Variants in TRDN observed in about 807,000 individuals in gnomAD.
TRDN encodes triadin, also known as triadin in skeletal muscle.
In TRDN, 161 loss-of-function variants were observed where a neutral mutation model predicts 149.7. The observed-to-expected ratio is 1.08, with a 90% CI of 0.95 to 1.23. The LOEUF (loss-of-function observed/expected upper bound fraction) is 1.23. Ranked by LOEUF, TRDN falls within the 50% of genes most tolerant of loss-of-function variation. The probability of loss-of-function intolerance (pLI) is 0.00; values close to 1 mark genes in which losing one functional copy is unlikely to be tolerated. For synonymous variants in TRDN, 294 were observed against 250.5 expected (o/e 1.17, Z -1.64); for missense variants, 896 against 823.5 (o/e 1.09, Z -1.08).
At chr6:123,569,701 G>A (rs1286331952) in intron 2 of TRDN, among the ~76,000 whole-genome samples, 1 of 152,120 alleles carries the variant, frequency 6.6e-6, no homozygotes, top group East Asian at 1.9e-4. Context: ...CATGGCCAGA[G>A]AAGAGGGAGA....
intron 39 of TRDN, among the ~76,000 whole-genome samples, chr6:123,222,447 T>C (rs1447522587): frequency 6.6e-6 from 1 of 150,632 alleles, no homozygotes; most frequent in Non-Finnish European, 1.5e-5. Flanking sequence ...AGCACTGGTC[T>C]ATGAGTAAAA....
intron 10 of TRDN, among the ~76,000 whole-genome samples, chr6:123,453,427 C>T (rs1775909502): frequency 1.3e-5 from 2 of 152,026 alleles, no homozygotes; most frequent in Admixed American, 1.3e-4. Context: ...AACAGACAAT[C>T]TCATCAAAAA....
chr6:123,584,707 G>A (rs1371665948), intron 1 of TRDN, among the ~76,000 whole-genome samples: 4 of 152,142 alleles, frequency 2.6e-5, no homozygotes, highest in African/African-American at 9.7e-5. Flanking sequence ...TGGGTGTCAG[G>A]GTCAGTCCAA....
intron 24 of TRDN, among the ~76,000 whole-genome samples, chr6:123,305,958 G>C (rs1778592767): frequency 6.6e-6 from 1 of 152,108 alleles, no homozygotes; most frequent in South Asian, 2.1e-4. Flanking sequence ...AGCAGAATAT[G>C]TCTAGACTTT....
At chr6:123,611,806 A>G (rs534519429) in intron 1 of TRDN, among the ~76,000 whole-genome samples, 161 of 152,276 alleles carry the variant, frequency 1.1e-3, no homozygotes, top group Middle Eastern at 3.4e-3. Flanking sequence ...CTGGCATTCC[A>G]TCTAATTAGT....
In TRDN at chr6:123,375,785, A is replaced by G. The variant is rs575302948; in HGVS notation, c.1247-154T>C. ...AGATCTGAGAAAAGGAAAATATAATACTGTGCCATTTTTCTGATATAATCC... is the reference window on the plus strand; with the variant it reads ...AGATCTGAGAAAAGGAAAATATAATGCTGTGCCATTTTTCTGATATAATCC... On this transcript the variant is annotated intron_variant, in intron 18 of 40. Coordinates refer to ENST00000334268, the MANE Select transcript of TRDN (RefSeq NM_006073.4). Among the ~76,000 whole-genome samples the G allele has an allele frequency of 3.9e-5, 6 of 152,182 alleles. No homozygotes were observed. The South Asian group carries it at 1.2e-3, about 32-fold the overall frequency.
intron 32 of TRDN, among the ~76,000 whole-genome samples, chr6:123,266,710 T>TTATA (rs1777012816): frequency 3.2e-5 from 3 of 94,018 alleles, no homozygotes; most frequent in Non-Finnish European, 5.9e-5. Flanking sequence ...ATGTATTATA[T>TTATA]ATAATATATA....
intron 38 of TRDN, among the ~76,000 whole-genome samples, chr6:123,225,544 A>G (rs1775323564): frequency 1.3e-5 from 2 of 150,974 alleles, no homozygotes; most frequent in Admixed American, 6.6e-5. Flanking sequence ...ATACACACAC[A>G]TACACACACA....
chr6:123,437,927 C>A (rs1774663533), intron 12 of TRDN, 136 bp downstream of exon 12: 3 of 695,292 alleles, frequency 4.3e-6, no homozygotes, highest in East Asian at 2.9e-5. Context: ...TTGTCTAGTG[C>A]AAGTTTTGCT....
At chr6:123,424,015 G>A (rs752035156) in intron 12 of TRDN, among the ~76,000 whole-genome samples, 26 of 152,180 alleles carry the variant, frequency 1.7e-4, no homozygotes, top group Middle Eastern at 3.4e-3. Context: ...AGAGTTTAGG[G>A]GAAGGGCCAT....
intron 21 of TRDN, chr6:123,350,487 A>G: frequency 1.8e-6 from 1 of 560,628 alleles, no homozygotes; most frequent in African/African-American, 2.0e-5. Flanking sequence ...CTAATAGATT[A>G]TTTATACTTC....
At chr6:123,355,018 T>C (rs1780606316) in intron 20 of TRDN, among the ~76,000 whole-genome samples, 1 of 151,812 alleles carries the variant, frequency 6.6e-6, no homozygotes, top group Non-Finnish European at 1.5e-5. Context: ...ATTTCAGTCT[T>C]TCCTGATACC....
chr6:123,530,687 G>C (rs990570129), intron 4 of TRDN, 122 bp from the exon 5 acceptor site: 1 of 523,202 alleles, frequency 1.9e-6, no homozygotes, highest in African/African-American at 2.0e-5. Flanking sequence ...TTACTAACAA[G>C]TTTATTGGAG....
intron 32 of TRDN, among the ~76,000 whole-genome samples, chr6:123,265,579 G>A (rs891829226): frequency 6.6e-6 from 1 of 150,956 alleles, no homozygotes; most frequent in African/African-American, 2.4e-5. Context: ...TTTTATTCCT[G>A]TAAACCTCAT....
At chr6:123,514,971 A>G (rs1008576083) in intron 6 of TRDN, among the ~76,000 whole-genome samples, 2 of 152,032 alleles carry the variant, frequency 1.3e-5, no homozygotes, top group Non-Finnish European at 2.9e-5. Flanking sequence ...ACAAATACCT[A>G]ATGCACGCAA....
chr6:123,244,973 G>A (rs1776121509), intron 38 of TRDN, among the ~76,000 whole-genome samples: 1 of 152,132 alleles, frequency 6.6e-6, no homozygotes, highest in Admixed American at 6.5e-5. Context: ...TTTCAACCCA[G>A]AATTGCATAT....
In TRDN at chr6:123,221,510, T is replaced by C. The variant is rs1775147117; in HGVS notation, c.2027A>G (p.Asp676Gly). ...ASKKAKEGTE[D>G]VSPTKQKSPI... ...ACTTTTCTGCTTTGTGGGAGACACA[T>C]CTTCAGTTCCTTCTAGTGGATAAAA... The change falls in exon 40 of 41, where the codon GAT (aspartate) becomes GGT (glycine). Residue 676 changes from aspartate (D) to glycine (G), a missense_variant. Coordinates refer to ENST00000334268, the MANE Select transcript of TRDN (RefSeq NM_006073.4). The C allele has an allele frequency of 1.3e-6, 2 of 1,570,712 alleles. No homozygotes were observed. The highest frequency in any genetic ancestry group is 1.4e-5 in the African/African-American group (1 of 73,446).
chr6:123,495,077 C>T (rs1327925194), intron 9 of TRDN, among the ~76,000 whole-genome samples: 1 of 151,996 alleles, frequency 6.6e-6, no homozygotes, highest in African/African-American at 2.4e-5. Context: ...GACAGGGTCT[C>T]ACCCTGTAGC....
chr6:123,403,820 A>T (rs906222126), intron 12 of TRDN, among the ~76,000 whole-genome samples: 1 of 152,092 alleles, frequency 6.6e-6, no homozygotes, highest in African/African-American at 2.4e-5. Context: ...AATCAGAAAT[A>T]AAAAAATACA....
Sources: gnomAD v4.1 joint callset for allele counts (sites outside exome capture counted in the v4.1 genomes callset) on GRCh38, gnomAD v4.1.1 for gene constraint, MANE v1.5 for transcripts, NCBI Gene and HGNC (gene_info 2026-07-23, HGNC 2026-07-21) for gene names.